PTGER4: variants seen among roughly 807,000 people sequenced by gnomAD.
The protein encoded by PTGER4 is prostaglandin E2 receptor EP4 subtype.
In PTGER4, 11 loss-of-function variants were observed where a neutral mutation model predicts 33.2. The ratio of observed to expected loss-of-function variants is 0.33; its 90% CI spans 0.21 to 0.55. The LOEUF is 0.55. PTGER4 is among the 20% of genes least tolerant of loss of function. PTGER4 has a pLI of 0.92. For synonymous variants in PTGER4, 275 were observed against 281.5 expected (o/e 0.98, Z 0.23); for missense variants, 481 against 650.2 (o/e 0.74, Z 2.83).
At chr5:40,719,196 T>A in the PTGER4 span, among the ~76,000 whole-genome samples, 1 of 152,178 alleles carries the variant, frequency 6.6e-6, no homozygotes, top group East Asian at 1.9e-4. Context: ...GAAAATTCCA[T>A]ACCTACTGGC....
the PTGER4 span, chr5:40,730,157 G>C: frequency 3.6e-6 from 3 of 844,394 alleles, no homozygotes; most frequent in Non-Finnish European, 5.5e-6. Flanking sequence ...AACCGTATTT[G>C]TAAAAGAAAA....
the PTGER4 span, among the ~76,000 whole-genome samples, chr5:40,707,172 C>A: frequency 2.6e-5 from 4 of 152,140 alleles, no homozygotes; most frequent in Non-Finnish European, 5.9e-5. Flanking sequence ...CAAATTCACA[C>A]ATAACAATAT....
chr5:40,715,998 C>A, the PTGER4 span: 1 of 607,120 alleles, frequency 1.6e-6, no homozygotes, highest in Non-Finnish European at 2.8e-6. Flanking sequence ...TACAATAATC[C>A]TGCCATTTTA....
At chr5:40,698,628 A>C (rs964034295), downstream of PTGER4, among the ~76,000 whole-genome samples, 1 of 152,220 alleles carries the variant, frequency 6.6e-6, no homozygotes, top group Non-Finnish European at 1.5e-5. Flanking sequence ...CCATCAATGA[A>C]AACAGTAACT....
chr5:40,701,095 A>G, the PTGER4 span, among the ~76,000 whole-genome samples: 2 of 152,172 alleles, frequency 1.3e-5, no homozygotes, highest in Non-Finnish European at 2.9e-5. Context: ...GAAAGAACCA[A>G]TGCAAGAACT....
chr5:40,689,906 A>C (rs776679236), intron 2 of PTGER4, among the ~76,000 whole-genome samples: 1 of 152,116 alleles, frequency 6.6e-6, no homozygotes, highest in Non-Finnish European at 1.5e-5. Flanking sequence ...TTTTATTTCT[A>C]TACTACTATT....
At chr5:40,704,378 A>T in the PTGER4 span, among the ~76,000 whole-genome samples, 404 of 152,344 alleles carry the variant, frequency 2.7e-3, no homozygotes, top group Non-Finnish European at 4.3e-3. Flanking sequence ...AGACAACATT[A>T]GACCAAATGG....
the PTGER4 span, among the ~76,000 whole-genome samples, chr5:40,708,862 G>A: frequency 6.6e-6 from 1 of 152,232 alleles, no homozygotes; most frequent in Middle Eastern, 3.4e-3. Context: ...TCCCTGGGAT[G>A]CAAGGCTGGT....
the PTGER4 span, among the ~76,000 whole-genome samples, chr5:40,706,267 G>C: frequency 6.6e-6 from 1 of 152,136 alleles, no homozygotes; most frequent in Non-Finnish European, 1.5e-5. Context: ...ATAAGTGGGA[G>C]CTAAATAATA....
At chr5:40,703,506 T>C in the PTGER4 span, among the ~76,000 whole-genome samples, 1 of 151,994 alleles carries the variant, frequency 6.6e-6, no homozygotes, top group Admixed American at 6.6e-5. Flanking sequence ...ATAAATAGCC[T>C]GCCAATCAAA....
chr5:40,739,143 A>T, the PTGER4 span, among the ~76,000 whole-genome samples: 824 of 152,344 alleles, frequency 5.4e-3, 6 homozygotes, highest in Non-Finnish European at 9.7e-3. Flanking sequence ...CTATAAAGGT[A>T]TAACATTCAA....
At chr5:40,744,953 A>G in the PTGER4 span, among the ~76,000 whole-genome samples, 1 of 152,224 alleles carries the variant, frequency 6.6e-6, no homozygotes, top group Non-Finnish European at 1.5e-5. Context: ...TACCTACGAC[A>G]TATACTTGCC....
intron 2 of PTGER4, among the ~76,000 whole-genome samples, chr5:40,684,550 T>C (rs1741280717): frequency 6.6e-6 from 1 of 152,168 alleles, no homozygotes; most frequent in Admixed American, 6.5e-5. Flanking sequence ...GGGTTGGTAT[T>C]GAGTTTAGTA....
chr5:40,745,413 T>C, the PTGER4 span, among the ~76,000 whole-genome samples: 1 of 152,088 alleles, frequency 6.6e-6, no homozygotes, highest in African/African-American at 2.4e-5. Flanking sequence ...CCTGTAAATA[T>C]GCAATTATGT....
the PTGER4 span, among the ~76,000 whole-genome samples, chr5:40,721,033 C>A: frequency 6.6e-6 from 1 of 152,158 alleles, no homozygotes; most frequent in Non-Finnish European, 1.5e-5. Flanking sequence ...CCTATCTGTT[C>A]CCCCAGCTTG....
rs1741180749 is a variant in PTGER4 at position 40,681,291 on chromosome 5, CTCT to C, written c.304_306del (p.Phe102del). 1 of 1,614,206 alleles carries C rather than the reference CTCT, an allele frequency of 6.2e-7. No individual in the cohort carries two copies. The highest frequency in any genetic ancestry group is 8.5e-7 in the Non-Finnish European group (1 of 1,180,036). On this transcript the variant is annotated inframe_deletion, in exon 2 of 3. Coordinates refer to ENST00000302472, the MANE Select transcript of PTGER4 (RefSeq NM_000958.3). This position sits in a 1 kb window ranked among gnomAD's most constrained non-coding sequence, Gnocchi z 9.8. Reference sequence around the variant, plus strand: ...GTGCGAGTACAGCACCTTCATTCTGCTCTTCTTCAGCCTGTCCGGCCTCAGCAT... The same window carrying C: ...GTGCGAGTACAGCACCTTCATTCTGCTCTTCAGCCTGTCCGGCCTCAGCAT...
In PTGER4 at chr5:40,692,465, C is replaced by T. The variant is rs1741498601; in HGVS notation, c.*87C>T. 7 of 1,499,712 alleles carry T rather than the reference C, an allele frequency of 4.7e-6. No individual in the cohort carries two copies. The East Asian group carries it at 1.4e-4, about 29-fold the overall frequency. 92.9% of individuals were successfully genotyped at this position (1,499,712 alleles called of 1,614,324 possible). The stretch of plus-strand genomic sequence containing the variant: ...CATACATGTCACATTTAGCTGTGCT[C>T]AGAAGGGCTATCATCATCCTACAAC... On this transcript the variant is annotated 3_prime_UTR_variant, in exon 3 of 3. Coordinates refer to ENST00000302472, the MANE Select transcript of PTGER4 (RefSeq NM_000958.3).
the PTGER4 span, chr5:40,716,600 C>G: frequency 9.4e-6 from 7 of 742,162 alleles, no homozygotes; most frequent in Non-Finnish European, 1.5e-5. Flanking sequence ...CATACACATC[C>G]TAATGCATTA....
Position 40,681,158 on chromosome 5 carries a change from C to T in PTGER4, c.165C>T (p.Tyr55=). The change falls in exon 2 of 3, where the codon TAC becomes TAT. Residue 55 remains tyrosine, a synonymous_variant. Transcript: ENST00000302472. The surrounding 1 kb of genome is among the most constrained non-coding windows in gnomAD (Gnocchi z 9.8). ...AGGAGCAGAAGGAGACGACCTTCTA[C>T]ACGCTGGTATGTGGGCTGGCTGTCA... is the stretch of plus-strand genomic sequence containing the variant. ...SRKEQKETTF[Y]TLVCGLAVTD... is the part of the protein sequence containing the mutation. 1.2e-6 allele frequency: 2 copies of T among 1,614,216 alleles called. No individual in the cohort carries two copies. Among genetic ancestry groups the T allele is most frequent in the Non-Finnish European group, 1.7e-6 (2 of 1,180,046 alleles).
Sources: allele counts gnomAD v4.1 joint callset (sites outside exome capture counted in the v4.1 genomes callset), GRCh38; gene constraint gnomAD v4.1.1; non-coding constraint Gnocchi (gnomAD v3.1); transcripts MANE v1.5; gene names NCBI Gene and HGNC (gene_info 2026-07-23, HGNC 2026-07-21).